FAM13B: variants seen among roughly 807,000 people sequenced by gnomAD.
FAM13B encodes protein FAM13B.
FAM13B carries 60 observed loss-of-function variants against 117.3 expected under a neutral mutation model. That is an observed-to-expected ratio of 0.51 (90% CI 0.42 to 0.63). The LOEUF (loss-of-function observed/expected upper bound fraction) is 0.63, where lower values mean the gene tolerates loss of function less well. Among genes scored for constraint, FAM13B ranks in the 30% least tolerant of loss-of-function variants. The pLI is 0.00. For missense variants in FAM13B, 972 were observed against 1,091.9 expected, an observed-to-expected ratio of 0.89 and a Z score of 1.55; for synonymous variants, 332 against 356.1, an observed-to-expected ratio of 0.93 and a Z score of 0.76.
At chr5:138,025,373 T>G (rs1390434989) in intron 1 of FAM13B, among the ~76,000 whole-genome samples, 1 of 141,428 alleles carries the variant, frequency 7.1e-6, no homozygotes, top group Non-Finnish European at 1.5e-5. Context: ...TGGAGTACAG[T>G]GGCCCAATCA....
chr5:138,032,692 A>T (rs968126453), intron 1 of FAM13B, 90 bp downstream of exon 1: 2 of 981,514 alleles, frequency 2.0e-6, no homozygotes, highest in African/African-American at 3.5e-5. Context: ...CGCGGGTGGC[A>T]GGCGGCGCTG....
At chr5:137,942,718 CAATA>C (rs1220306403) in intron 22 of FAM13B, 153 bp downstream of exon 22, 2 of 606,142 alleles carry the variant, frequency 3.3e-6, no homozygotes, top group African/African-American at 1.9e-5. Context: ...ATGGGAATGA[CAATA>C]AATATTTGCA....
chr5:137,953,399 G>A lies in FAM13B; in HGVS notation c.1785C>T (p.Val595=), dbSNP rs367757751. The A allele has an allele frequency of 1.2e-6, 2 of 1,613,594 alleles. No individual in the cohort carries two copies. Among genetic ancestry groups the A allele is most frequent in the African/African-American group, 2.7e-5 (2 of 74,892 alleles). The change falls in exon 16 of 24, where the codon GTC becomes GTT. Residue 595 remains valine (V), a synonymous_variant. Coordinates refer to ENST00000689681, the MANE Select transcript of FAM13B (RefSeq NM_001385994.1). ...GTCTGATTTTCTTCTGAAGTTTCTT[G>A]ACCAGCTGATAAGGTGTTCTGTCCT... ...KREDRTPYQL[V]KKLQKKIRQF...
At chr5:137,947,786 T>A (rs772751709) in intron 18 of FAM13B, among the ~76,000 whole-genome samples, 3 of 152,100 alleles carry the variant, frequency 2.0e-5, no homozygotes, top group African/African-American at 7.2e-5. Context: ...GGTTTCATCA[T>A]GTTGGCCAGG....
Position 137,987,480 on chromosome 5 carries a change from C to T in FAM13B, c.1027G>A (p.Gly343Arg). The T allele has an allele frequency of 1.2e-6, 2 of 1,610,782 alleles. No individual in the cohort carries two copies. Among genetic ancestry groups the T allele is most frequent in the Non-Finnish European group, 1.7e-6 (2 of 1,178,632 alleles). ...TCTTACTGGTTATTAGATCCTTCCC[C>T]ATCACAATGAATACTTTCTGCTTCA... ...NNEAESIHCD[G>R]EGSNNQIDIA... Residue 343 changes from glycine (G) to arginine (R), a missense_variant, in exon 9 of 24, where the codon GGG becomes AGG. Coordinates refer to ENST00000689681, the MANE Select transcript of FAM13B (RefSeq NM_001385994.1).
At position 137,954,217 on chromosome 5, in the gene FAM13B, A is replaced by G. The variant is rs748051521; in HGVS notation, c.1667T>C (p.Leu556Pro). 6.2e-7 allele frequency: 1 copy of G among 1,614,076 alleles called. No individual in the cohort carries two copies. Among genetic ancestry groups the G allele is most frequent in the South Asian group, 1.1e-5 (1 of 91,080 alleles). Reference protein sequence around the residue: ...SLDFGQSQRFLHDPEKLDSSS... With the variant: ...SLDFGQSQRFPHDPEKLDSSS... ...GGAATCCAACTTTTCTGGATCATGT[A>G]GGAAACGCTGGCTTTGACCAAAATC... The change falls in exon 15 of 24, where the codon CTA becomes CCA. Residue 556 changes from leucine to proline, a missense_variant. Physicochemically the swap from Leu to Pro is moderately conservative, Grantham distance 98. Coordinates refer to ENST00000689681, the MANE Select transcript of FAM13B (RefSeq NM_001385994.1).
intron 4 of FAM13B, among the ~76,000 whole-genome samples, chr5:138,013,501 C>CAAA (rs376873284): frequency 1.5e-5 from 2 of 137,534 alleles, no homozygotes; most frequent in Non-Finnish European, 1.5e-5. Context: ...ACTCCATCTC[C>CAAA]AAAAAAAAAA....
At chr5:138,036,471 C>T (rs773242528), upstream of FAM13B, 10 of 456,688 alleles carry the variant, frequency 2.2e-5, no homozygotes, top group East Asian at 2.8e-4. Context: ...CACAGGCCCA[C>T]GGTGCCCCTC....
chr5:137,939,080 TAA>T lies in FAM13B; in HGVS notation c.*1143_*1144del, dbSNP rs1760939096. The T allele has an allele frequency of 6.6e-6, 1 of 152,052 alleles. No individual in the cohort carries two copies. The highest frequency in any genetic ancestry group is 2.1e-4 in the South Asian group (1 of 4,798). The allele number at this position is 152,052 out of a possible 1,614,324, so 9.4% of individuals were successfully genotyped here. ...AAAGCCAAAGGAAAAAAAGATATGC[TAA>T]GAGTATATGACAAGGGGCATACCAC... On this transcript the variant is annotated 3_prime_UTR_variant, in exon 24 of 24. Coordinates refer to ENST00000689681, the MANE Select transcript of FAM13B (RefSeq NM_001385994.1).
chr5:137,975,980 C>CTTTTT (rs57478594), intron 10 of FAM13B, among the ~76,000 whole-genome samples: 82,689 of 109,958 alleles, frequency 0.75, 32,415 homozygotes, highest in East Asian at 0.95. Flanking sequence ...TCAACTCTTC[C>CTTTTT]TTTTTTTTTT....
chr5:138,021,218 T>C (rs920138593), intron 1 of FAM13B, 21 bp from the exon 2 acceptor site: 7 of 1,230,808 alleles, frequency 5.7e-6, no homozygotes, highest in South Asian at 4.1e-5. Context: ...AAAACAATTA[T>C]TTCAATTTCC....
chr5:138,013,972 G>A (rs1011740325), intron 4 of FAM13B, among the ~76,000 whole-genome samples: 7 of 151,956 alleles, frequency 4.6e-5, no homozygotes, highest in Admixed American at 2.0e-4. Context: ...ACAGGCTGTC[G>A]CTCCAGGCTG....
chr5:137,962,306 ATATT>A (rs1768359150), intron 11 of FAM13B, 95 bp downstream of exon 11: 1 of 903,504 alleles, frequency 1.1e-6, no homozygotes, highest in Admixed American at 2.3e-5. Context: ...TCTAAACTAT[ATATT>A]TATAATGGAC....
At chr5:138,036,170 T>C (rs1791140156), upstream of FAM13B, 3 of 352,610 alleles carry the variant, frequency 8.5e-6, no homozygotes, top group Non-Finnish European at 1.7e-5. Flanking sequence ...TTCTGTATGT[T>C]ATTTATTTTA....
At chr5:137,986,338 T>C (rs1777191300) in intron 9 of FAM13B, among the ~76,000 whole-genome samples, 2 of 151,164 alleles carry the variant, frequency 1.3e-5, no homozygotes, top group Admixed American at 1.3e-4. Context: ...TTAAAAACTG[T>C]CTTAAAAAAA....
intron 4 of FAM13B, among the ~76,000 whole-genome samples, chr5:138,014,107 T>G (rs1457658805): frequency 1.3e-5 from 2 of 152,164 alleles, no homozygotes; most frequent in African/African-American, 4.8e-5. Flanking sequence ...TGGCTATTTT[T>G]TGAAGTTTCT....
intron 1 of FAM13B, among the ~76,000 whole-genome samples, chr5:138,026,366 C>A (rs994526410): frequency 1.3e-5 from 2 of 152,072 alleles, no homozygotes; most frequent in African/African-American, 2.4e-5. Flanking sequence ...TGGTTCACAC[C>A]CGTAATCCCA....
chr5:137,941,801 A>G, intron 23 of FAM13B, 143 bp downstream of exon 23: 1 of 654,864 alleles, frequency 1.5e-6, no homozygotes, highest in Non-Finnish European at 2.6e-6. Flanking sequence ...AGGGCCTCAG[A>G]GCATAAAGGA....
intron 9 of FAM13B, among the ~76,000 whole-genome samples, chr5:137,987,205 G>A (rs962496458): frequency 4.0e-5 from 6 of 151,704 alleles, no homozygotes; most frequent in South Asian, 2.1e-4. Context: ...TACTTCATTC[G>A]ATGTTCAGGG....
Sources: gnomAD v4.1 joint callset for allele counts (sites outside exome capture counted in the v4.1 genomes callset) on GRCh38, gnomAD v4.1.1 for gene constraint, MANE v1.5 for transcripts, NCBI Gene and HGNC (gene_info 2026-07-23, HGNC 2026-07-21) for gene names.